The following KCNMB4 variants were observed in gnomAD, a reference collection of about 807,000 sequenced individuals.
KCNMB4 encodes the protein calcium-activated potassium channel subunit beta-4.
KCNMB4 carries 3 observed loss-of-function variants against 20.7 expected under a neutral mutation model. That is an observed-to-expected ratio of 0.14 (90% CI 0.07 to 0.37). The LOEUF (loss-of-function observed/expected upper bound fraction) is 0.37. KCNMB4 is among the 10% of genes least tolerant of loss of function. The probability of loss-of-function intolerance (pLI) is 1.00; values close to 1 mark genes in which losing one functional copy is unlikely to be tolerated. For missense variants in KCNMB4, 168 were observed against 265.9 expected (o/e 0.63, Z 2.56); for synonymous variants, 110 against 113.4 (o/e 0.97, Z 0.19).
chr12:70,382,366 G>GA (rs1321554228), intron 1 of KCNMB4, among the ~76,000 whole-genome samples: 3 of 148,922 alleles, frequency 2.0e-5, no homozygotes, highest in Non-Finnish European at 4.4e-5. Context: ...CCGGAAGGCG[G>GA]AGCTTGCAGT....
At chr12:70,415,336 G>A (rs2136137805) in intron 2 of KCNMB4, among the ~76,000 whole-genome samples, 1 of 152,214 alleles carries the variant, frequency 6.6e-6, no homozygotes, top group East Asian at 1.9e-4. Context: ...ACTAACCATG[G>A]TGAATCTTTA....
chr12:70,395,959 C>T (rs1037374536), intron 1 of KCNMB4, among the ~76,000 whole-genome samples: 6 of 152,176 alleles, frequency 3.9e-5, no homozygotes, highest in African/African-American at 7.2e-5. Flanking sequence ...AGTGAAATTA[C>T]ATCCATGGCA....
chr12:70,414,934 C>A (rs1196821868), intron 2 of KCNMB4, among the ~76,000 whole-genome samples: 1 of 152,130 alleles, frequency 6.6e-6, no homozygotes. Context: ...CATCATAATT[C>A]TATCTTAATT....
chr12:70,385,530 G>C (rs1197604729), intron 1 of KCNMB4, among the ~76,000 whole-genome samples: 1 of 152,078 alleles, frequency 6.6e-6, no homozygotes, highest in African/African-American at 2.4e-5. Context: ...TTATAGCCTT[G>C]AAATTTTTCA....
intron 1 of KCNMB4, among the ~76,000 whole-genome samples, chr12:70,384,142 C>T (rs373835911): frequency 1.4e-4 from 21 of 152,228 alleles, no homozygotes; most frequent in African/African-American, 5.1e-4. Flanking sequence ...TTAACTAATT[C>T]CATCTGCAAG....
chr12:70,397,009 G>C (rs1285582926), intron 1 of KCNMB4, among the ~76,000 whole-genome samples: 2 of 152,182 alleles, frequency 1.3e-5, no homozygotes, highest in African/African-American at 4.8e-5. Context: ...TGAGAATAAA[G>C]ATTTAAGGAA....
intron 1 of KCNMB4, among the ~76,000 whole-genome samples, chr12:70,391,195 G>T (rs1868296188): frequency 6.6e-6 from 1 of 152,088 alleles, no homozygotes; most frequent in African/African-American, 2.4e-5. Flanking sequence ...ACCTTAGAAG[G>T]TTATCTATTT....
chr12:70,425,354 C>T (rs1163883510), intron 2 of KCNMB4, among the ~76,000 whole-genome samples: 1 of 152,078 alleles, frequency 6.6e-6, no homozygotes, highest in Non-Finnish European at 1.5e-5. Context: ...AGGAGAATGG[C>T]GTAAACTCAG....
intron 2 of KCNMB4, among the ~76,000 whole-genome samples, chr12:70,418,688 T>C (rs1008976117): frequency 6.6e-6 from 1 of 152,198 alleles, no homozygotes; most frequent in African/African-American, 2.4e-5. Flanking sequence ...CTTGACCTCC[T>C]TTTAAATGCC....
intron 2 of KCNMB4, among the ~76,000 whole-genome samples, chr12:70,405,406 A>G (rs555761465): frequency 1.3e-5 from 2 of 152,346 alleles, no homozygotes; most frequent in African/African-American, 4.8e-5. Context: ...CTCACTAATC[A>G]TCAGAGAAAT....
chr12:70,382,314 T>C (rs1883801915), intron 1 of KCNMB4, among the ~76,000 whole-genome samples: 1 of 150,604 alleles, frequency 6.6e-6, no homozygotes, highest in African/African-American at 2.4e-5. Flanking sequence ...GCGCCTGTAG[T>C]CCCAGCTACT....
At chr12:70,380,521 A>G (rs1343176750) in intron 1 of KCNMB4, among the ~76,000 whole-genome samples, 1 of 152,172 alleles carries the variant, frequency 6.6e-6, no homozygotes, top group African/African-American at 2.4e-5. Flanking sequence ...AAAGAATGCA[A>G]TATCTGCAAA....
At chr12:70,422,899 G>A (rs1023317695) in intron 2 of KCNMB4, 132 of 1,093,678 alleles carry the variant, frequency 1.2e-4, no homozygotes, top group Middle Eastern at 2.8e-4. Flanking sequence ...ACAGAGTGGC[G>A]ACGGTTTCCC....
chr12:70,392,956 A>G (rs182294617), intron 1 of KCNMB4, among the ~76,000 whole-genome samples: 1 of 152,108 alleles, frequency 6.6e-6, no homozygotes, highest in Non-Finnish European at 1.5e-5. Flanking sequence ...TGTTCTGCAC[A>G]TGTATCCCAT....
At chr12:70,425,186 C>T (rs946671397) in intron 2 of KCNMB4, among the ~76,000 whole-genome samples, 2 of 152,120 alleles carry the variant, frequency 1.3e-5, no homozygotes, top group Non-Finnish European at 2.9e-5. Context: ...CCTGTAATCC[C>T]AGCACTTAGA....
chr12:70,373,385 A>G (rs1416199448), intron 1 of KCNMB4, among the ~76,000 whole-genome samples: 1 of 152,180 alleles, frequency 6.6e-6, no homozygotes, highest in African/African-American at 2.4e-5. Context: ...GAGTTTGAGA[A>G]AGATCCAACC....
Position 70,431,733 on chromosome 12 carries a change from C to G in KCNMB4, c.*1080C>G, listed in dbSNP as rs1869370208. On this transcript the variant is annotated 3_prime_UTR_variant, in exon 3 of 3. Coordinates refer to ENST00000258111, the MANE Select transcript of KCNMB4 (RefSeq NM_014505.6). ...TTGAGAAGACCATATTTCTTTGTAT[C>G]TTTTTATAAACTCAAATTCCAAGTA... The G allele has an allele frequency of 1.3e-5, 2 of 152,230 alleles. No homozygotes were observed. The highest frequency in any genetic ancestry group is 1.9e-4 in the East Asian group (1 of 5,178). 9.4% of individuals were successfully genotyped at this position (152,230 alleles called of 1,614,324 possible).
chr12:70,392,987 T>A (rs1868313767), intron 1 of KCNMB4, among the ~76,000 whole-genome samples: 1 of 151,966 alleles, frequency 6.6e-6, no homozygotes, highest in Non-Finnish European at 1.5e-5. Flanking sequence ...AAAAAAATAA[T>A]AAAATTTAAA....
At chr12:70,390,376 A>G (rs1868289640) in intron 1 of KCNMB4, among the ~76,000 whole-genome samples, 2 of 152,246 alleles carry the variant, frequency 1.3e-5, no homozygotes, top group African/African-American at 4.8e-5. Flanking sequence ...AGCCCAGCAT[A>G]CAGTGGGTAA....
Sources: gnomAD v4.1 joint callset for allele counts (sites outside exome capture counted in the v4.1 genomes callset) on GRCh38, gnomAD v4.1.1 for gene constraint, MANE v1.5 for transcripts, NCBI Gene and HGNC (gene_info 2026-07-23, HGNC 2026-07-21) for gene names.